POLM: variants seen among roughly 807,000 people sequenced by gnomAD.
The protein encoded by POLM is DNA polymerase mu.
Under a neutral mutation model 56.7 loss-of-function variants are expected in POLM, and 52 were observed. The observed-to-expected ratio is 0.92, with a 90% CI of 0.73 to 1.15. The LOEUF (loss-of-function observed/expected upper bound fraction) is 1.15. Among genes scored for constraint, POLM ranks in the 50% most tolerant of loss-of-function variants. The pLI is 0.00. For missense variants in POLM, 660 were observed against 663.6 expected, an observed-to-expected ratio of 0.99 and a Z score of 0.06; for synonymous variants, 273 against 274.3, an observed-to-expected ratio of 1.00 and a Z score of 0.05.
Position 44,079,854 on chromosome 7 carries a change from G to A in POLM, c.471+7C>T, listed in dbSNP as rs374654602. On this transcript the variant is annotated splice_region_variant and intron_variant, in intron 3 of 10. Coordinates refer to ENST00000242248, the MANE Select transcript of POLM (RefSeq NM_013284.4). Reference sequence around the variant, plus strand: ...AGGGCTGGCCAAGGCTCATAGAAGCGGCTTACGGAGAGGCCAGTGTTGTGG... The same window carrying A: ...AGGGCTGGCCAAGGCTCATAGAAGCAGCTTACGGAGAGGCCAGTGTTGTGG... 44 of 1,613,770 alleles carry A rather than the reference G, an allele frequency of 2.7e-5. No homozygotes were observed. The highest frequency in any genetic ancestry group is 8.3e-5 in the Admixed American group (5 of 60,006).
rs1053192816 is a variant in POLM, at chr7:44,073,367, A to T, written c.1409T>A (p.Phe470Tyr). The T allele has an allele frequency of 1.2e-6, 2 of 1,613,278 alleles. No individual in the cohort carries two copies. Among genetic ancestry groups the T allele is most frequent in the Admixed American group, 3.3e-5 (2 of 59,982 alleles). ...GLFDPEQKTF[F>Y]QAASEEDIFR... ...GATGTCTTCCTCTGAAGCCGCTTGG[A>T]AAAATGTCTTCTGCAACAGAAGCAG... Residue 470 changes from phenylalanine to tyrosine, a missense_variant, in exon 11 of 11, where the codon TTC (phenylalanine) becomes TAC (tyrosine). Phe to Tyr is a conservative substitution (Grantham distance 22). Coordinates refer to ENST00000242248, the MANE Select transcript of POLM (RefSeq NM_013284.4).
chr7:44,076,414 C>A (rs924141169), intron 6 of POLM, 95 bp downstream of exon 6: 196 of 1,525,328 alleles, frequency 1.3e-4, no homozygotes, highest in Non-Finnish European at 1.6e-4. Context: ...AAACCCTCTG[C>A]ACCAGACTGC....
rs1713924854 is a variant in POLM, at chr7:44,072,073, A to G, written c.*1218T>C. On this transcript the variant is annotated 3_prime_UTR_variant, in exon 11 of 11. Transcript: ENST00000242248. ...GGAGAGGCCAGTCCAAAGGTTAAAT[A>G]TAGTTTGGTTCTATTTACATGACAT... 6.6e-6 allele frequency among the ~76,000 whole-genome samples: 1 copy of G among 152,236 alleles called. No individual in the cohort carries two copies. Among genetic ancestry groups the G allele is most frequent in the Admixed American group, 6.5e-5 (1 of 15,288 alleles).
At position 44,082,462 on chromosome 7, in the gene POLM, C is replaced by G. The variant is rs1344304257; in HGVS notation, c.-24G>C. On this transcript the variant is annotated 5_prime_UTR_variant, in exon 1 of 11. Transcript: ENST00000242248. The stretch of plus-strand genomic sequence containing the variant: ...ATTGGGACGACAGCCTCCAGCAGCG[C>G]GGAGCGAACGCAGAGGGAAACTCCG... The G allele has an allele frequency of 8.0e-7, 1 of 1,248,890 alleles. No individual in the cohort carries two copies. The highest frequency in any genetic ancestry group is 1.0e-6 in the Non-Finnish European group (1 of 987,666). 77.4% of individuals were successfully genotyped at this position (1,248,890 alleles called of 1,614,324 possible). A position where few individuals can be genotyped will look rare whatever the true frequency, so the allele number is the denominator to read the frequency against.
At position 44,078,784 on chromosome 7, in the gene POLM, C is replaced by T; in HGVS notation, c.670G>A (p.Glu224Lys). ...TCTGAGCGCCGAACTCTCTCCACCT[C>T]CTCACACACTCCATGCTCCAGCAGC... is the stretch of plus-strand genomic sequence containing the variant. ...QELLEHGVCE[E>K]VERVRRSERY... The change falls in exon 5 of 11, where the codon GAG becomes AAG. Residue 224 changes from glutamate to lysine, a missense_variant. By Grantham distance (56) the Glu-to-Lys change is moderately conservative (BLOSUM62 1). Coordinates refer to ENST00000242248, the MANE Select transcript of POLM (RefSeq NM_013284.4). 6.2e-7 allele frequency: 1 copy of T among 1,614,078 alleles called. No homozygotes were observed. The highest frequency in any genetic ancestry group is 1.1e-5 in the South Asian group (1 of 91,086).
Position 44,073,899 on chromosome 7 carries a change from C to A in POLM, c.1198G>T (p.Ala400Ser), listed in dbSNP as rs1468461531. 1.2e-6 allele frequency: 2 copies of A among 1,614,236 alleles called. No individual in the cohort carries two copies. Among genetic ancestry groups the A allele is most frequent in the Admixed American group, 1.7e-5 (1 of 60,030 alleles). Residue 400 changes from alanine to serine, a missense_variant, in exon 9 of 11, where the codon GCT becomes TCT. Physicochemically the swap from Ala to Ser is moderately conservative, Grantham distance 99. Coordinates refer to ENST00000242248, the MANE Select transcript of POLM (RefSeq NM_013284.4). ...GGCCTCGTGGATCCCCCCACAGCAG[C>A]CCCTGGAGGTTGTGGTAGGCGGAAA... ...CIFRLPQPPGAAVGGSTRPCP... is the reference protein window; with the variant it reads ...CIFRLPQPPGSAVGGSTRPCP...
rs2096175708 is a variant in POLM, at chr7:44,073,905, G to A, written c.1192C>T (p.Pro398Ser). Residue 398 changes from proline to serine, a missense_variant, in exon 9 of 11, where the codon CCA (proline) becomes TCA (serine). Pro to Ser is a moderately conservative substitution (Grantham distance 74). Transcript: ENST00000242248. ...SFCIFRLPQP[P>S]GAAVGGSTRP... ...GTGGATCCCCCCACAGCAGCCCCTGGAGGTTGTGGTAGGCGGAAAATGCAG... is the reference window on the plus strand; with the variant it reads ...GTGGATCCCCCCACAGCAGCCCCTGAAGGTTGTGGTAGGCGGAAAATGCAG... 1 of 1,614,252 alleles carries A rather than the reference G, an allele frequency of 6.2e-7. No homozygotes were observed. The highest frequency in any genetic ancestry group is 8.5e-7 in the Non-Finnish European group (1 of 1,180,050).
intron 10 of POLM, 74 bp downstream of exon 10, chr7:44,073,551 G>C: frequency 6.2e-7 from 1 of 1,605,436 alleles, no homozygotes; most frequent in Non-Finnish European, 8.5e-7. Context: ...GGAGGGGTCT[G>C]GGGCCATTTC....
intron 5 of POLM, among the ~76,000 whole-genome samples, chr7:44,077,622 G>T (rs935169939): frequency 3.9e-5 from 6 of 152,162 alleles, no homozygotes; most frequent in Non-Finnish European, 7.4e-5. Context: ...CACTTCAAGG[G>T]GATTTCATCA....
intron 5 of POLM, 118 bp from the exon 6 acceptor site, chr7:44,076,747 A>G (rs186260063): frequency 7.8e-7 from 1 of 1,277,656 alleles, no homozygotes; most frequent in Non-Finnish European, 1.1e-6. Context: ...CGCCGTCCCC[A>G]CTCGCAACCT....
Position 44,080,582 on chromosome 7 carries a change from G to A in POLM, c.372+151C>T, listed in dbSNP as rs61253803. On this transcript the variant is annotated intron_variant, in intron 2 of 10. Coordinates refer to ENST00000242248, the MANE Select transcript of POLM (RefSeq NM_013284.4). ...TCTGTGGTTCCTCTACTGGTTTATA[G>A]GGGGCCCCTGGTGATCTGGGTAGAG... The A allele has an allele frequency of 2.6e-4, 210 of 805,520 alleles. No homozygotes were observed. In the African/African-American group the frequency reaches 3.3e-3, roughly 13 times the overall value. The allele number at this position is 805,520 out of a possible 1,614,324, so 49.9% of individuals were successfully genotyped here.
At position 44,073,674 on chromosome 7, in the gene POLM, T is replaced by G. The variant is rs1022813181; in HGVS notation, c.1349A>C (p.Lys450Thr). Residue 450 changes from lysine (K) to threonine (T), a missense_variant, in exon 10 of 11, where the codon AAG becomes ACG. Coordinates refer to ENST00000242248, the MANE Select transcript of POLM (RefSeq NM_013284.4). ...FQRELRRFSR[K>T]EKGLWLNSHG... ...GCTGTTCAGCCACAGGCCCTTCTCC[T>G]TCCGGCTGAAGCGGCGCAGCTCCCG... 6.2e-7 allele frequency: 1 copy of G among 1,614,084 alleles called. No individual in the cohort carries two copies. The highest frequency in any genetic ancestry group is 8.5e-7 in the Non-Finnish European group (1 of 1,180,026).
At position 44,072,971 on chromosome 7, in the gene POLM, G is replaced by T; in HGVS notation, c.*320C>A. 1.4e-6 allele frequency: 1 copy of T among 736,778 alleles called. No homozygotes were observed. 45.6% of individuals were successfully genotyped at this position (736,778 alleles called of 1,614,324 possible). A position where few individuals can be genotyped will look rare whatever the true frequency, so the allele number is the denominator to read the frequency against. The stretch of plus-strand genomic sequence containing the variant: ...GGACCACTTGCCATTCATGACTGCA[G>T]GCCCCACCACAGCTCCACGATGTGG... On this transcript the variant is annotated 3_prime_UTR_variant, in exon 11 of 11. Transcript: ENST00000242248.
chr7:44,076,370 G>T, intron 6 of POLM, 139 bp downstream of exon 6: 1 of 1,017,448 alleles, frequency 9.8e-7, no homozygotes, highest in Non-Finnish European at 1.4e-6. Context: ...ACTGGGTGGA[G>T]ACCCCAGGAA....
Position 44,073,192 on chromosome 7 carries a change from AGGT to A in POLM, c.*96_*98del. Reference sequence around the variant, plus strand: ...GCCAGGCCTTGGCGGGGAGGGGTGAAGGTGGGGGTCAGGGGGCAGCATATCTGC... The same window carrying A: ...GCCAGGCCTTGGCGGGGAGGGGTGAAGGGGGTCAGGGGGCAGCATATCTGC... On this transcript the variant is annotated 3_prime_UTR_variant, in exon 11 of 11. Coordinates refer to ENST00000242248, the MANE Select transcript of POLM (RefSeq NM_013284.4). The A allele has an allele frequency of 6.3e-7, 1 of 1,596,724 alleles. No individual in the cohort carries two copies. The highest frequency in any genetic ancestry group is 2.3e-5 in the East Asian group (1 of 44,320).
chr7:44,079,824 C>A (rs1236924642), intron 3 of POLM, 37 bp downstream of exon 3: 1 of 1,612,230 alleles, frequency 6.2e-7, no homozygotes, highest in Non-Finnish European at 8.5e-7. Context: ...TTGTCCCCAA[C>A]CCCCAGGGCT....
rs780421066 is a variant in POLM, at chr7:44,074,475, G to A, written c.891C>T (p.Ala297=). ...STPVLRSDVD[A]LQQVVEEAVG... ...CAGCTTCCTCCACCACCTGCTGCAG[G>A]GCATCTACATCGGACCGCAGGACTG... The change falls in exon 7 of 11, where the codon GCC becomes GCT. Residue 297 remains alanine (A), a synonymous_variant. Coordinates refer to ENST00000242248, the MANE Select transcript of POLM (RefSeq NM_013284.4). 7 of 1,596,826 alleles carry A rather than the reference G, an allele frequency of 4.4e-6. No homozygotes were observed. In the African/African-American group the frequency reaches 9.4e-5, roughly 21 times the overall value.
intron 6 of POLM, among the ~76,000 whole-genome samples, chr7:44,075,412 G>A (rs1050701541): frequency 7.9e-5 from 12 of 152,194 alleles, no homozygotes; most frequent in African/African-American, 7.2e-5. Context: ...CTCAGTAAAC[G>A]CTGCTAACCA....
At chr7:44,079,532 C>A in intron 4 of POLM, 39 bp downstream of exon 4, 1 of 1,503,572 alleles carries the variant, frequency 6.7e-7, no homozygotes, top group Non-Finnish European at 9.2e-7. Context: ...AAGGCCTCCC[C>A]ACCCACCCAC....
Sources: gnomAD v4.1 joint callset for allele counts (sites outside exome capture counted in the v4.1 genomes callset) on GRCh38, gnomAD v4.1.1 for gene constraint, MANE v1.5 for transcripts, NCBI Gene and HGNC (gene_info 2026-07-23, HGNC 2026-07-21) for gene names.